The following HHAT variants were observed in gnomAD, a reference collection of about 807,000 sequenced individuals.
HHAT encodes protein-cysteine N-palmitoyltransferase HHAT.
HHAT carries 47 observed loss-of-function variants against 70.8 expected under a neutral mutation model. The ratio of observed to expected loss-of-function variants is 0.66; its 90% confidence interval spans 0.53 to 0.85. The LOEUF (loss-of-function observed/expected upper bound fraction) is 0.85. Ranked by LOEUF, HHAT falls within the 40% of genes least tolerant of loss-of-function variation. The probability of loss-of-function intolerance (pLI) is 0.00; values close to 1 mark genes in which losing one functional copy is unlikely to be tolerated. For synonymous variants in HHAT, 228 were observed against 247.6 expected, an observed-to-expected ratio of 0.92 and a Z score of 0.74; for missense variants, 609 against 604.8, an observed-to-expected ratio of 1.01 and a Z score of -0.07.
chr1:210,413,313 G>A (rs889207905), intron 6 of HHAT, among the ~76,000 whole-genome samples: 5 of 152,110 alleles, frequency 3.3e-5, no homozygotes, highest in African/African-American at 1.2e-4. Flanking sequence ...CTCTTCCATT[G>A]TCTTGGACAG....
chr1:210,497,619 C>G (rs1286210978), intron 8 of HHAT, among the ~76,000 whole-genome samples: 1 of 152,184 alleles, frequency 6.6e-6, no homozygotes, highest in Non-Finnish European at 1.5e-5. Flanking sequence ...TCTTCTCTGG[C>G]TTAAGATTTT....
chr1:210,421,826 T>G (rs899627832), intron 7 of HHAT, among the ~76,000 whole-genome samples: 3 of 152,210 alleles, frequency 2.0e-5, no homozygotes, highest in Non-Finnish European at 4.4e-5. Flanking sequence ...TGTGGATTCA[T>G]AAAATTTATA....
At chr1:210,404,435 A>G (rs1394296192) in intron 5 of HHAT, 29 bp from the exon 6 acceptor site, 3 of 1,568,038 alleles carry the variant, frequency 1.9e-6, no homozygotes, top group Non-Finnish European at 2.6e-6. Context: ...TGGCCACTCA[A>G]AGGTTGTTCT....
chr1:210,479,135 G>A (rs2501895), intron 8 of HHAT, among the ~76,000 whole-genome samples: 25,486 of 152,064 alleles, frequency 0.17, 2,353 homozygotes, highest in East Asian at 0.42. Flanking sequence ...CCTTTCCCCA[G>A]ATTATTCTGT....
chr1:210,416,236 C>T (rs1162615232), intron 6 of HHAT, among the ~76,000 whole-genome samples: 1 of 152,174 alleles, frequency 6.6e-6, no homozygotes, highest in East Asian at 1.9e-4. Context: ...CCCACAGCAC[C>T]CTGATGATGG....
chr1:210,440,549 C>G (rs3765849), intron 7 of HHAT, among the ~76,000 whole-genome samples: 21,319 of 151,738 alleles, frequency 0.14, 1,733 homozygotes, highest in East Asian at 0.22. Flanking sequence ...TGGTCACTTC[C>G]CATCAGCTGG....
intron 1 of HHAT, among the ~76,000 whole-genome samples, chr1:210,340,248 A>G (rs374074382): frequency 5.1e-5 from 4 of 78,638 alleles, no homozygotes; most frequent in African/African-American, 1.6e-4. Flanking sequence ...CTCAGAAAAA[A>G]AAAAAAAAAA....
intron 1 of HHAT, among the ~76,000 whole-genome samples, chr1:210,345,922 G>A (rs1229458436): frequency 6.7e-6 from 1 of 150,288 alleles, no homozygotes; most frequent in African/African-American, 2.5e-5. Flanking sequence ...AAACTAGCCT[G>A]GCATTGTGGT....
At chr1:210,331,475 C>G (rs1277461593) in intron 1 of HHAT, among the ~76,000 whole-genome samples, 2 of 152,222 alleles carry the variant, frequency 1.3e-5, no homozygotes, top group African/African-American at 2.4e-5. Flanking sequence ...AAACATACTT[C>G]TAGGGCCCGG....
At chr1:210,515,137 T>G (rs973813896) in intron 9 of HHAT, among the ~76,000 whole-genome samples, 1 of 152,236 alleles carries the variant, frequency 6.6e-6, no homozygotes, top group Non-Finnish European at 1.5e-5. Context: ...TGTGCTGTAT[T>G]CTGTGTTTCC....
intron 1 of HHAT, among the ~76,000 whole-genome samples, chr1:210,347,299 T>G (rs1010555094): frequency 1.3e-5 from 2 of 152,208 alleles, no homozygotes; most frequent in African/African-American, 2.4e-5. Context: ...CCTCATCACA[T>G]TTGTCATCTA....
Position 210,484,300 on chromosome 1 carries a change from A to G in HHAT, c.1007+19645A>G, listed in dbSNP as rs528376866. On this transcript the variant is annotated intron_variant, in intron 8 of 11. Transcript: ENST00000261458. ...TTCTCCCTTATTTAATAGAACACTC[A>G]TAATTTTGAAGTATCCTAATGATGA... Among the ~76,000 whole-genome samples the G allele has an allele frequency of 3.3e-5, 5 of 152,268 alleles. No individual in the cohort carries two copies. In the South Asian group the frequency reaches 1.0e-3, roughly 32 times the overall value.
At chr1:210,407,867 C>A (rs943846934) in intron 6 of HHAT, among the ~76,000 whole-genome samples, 1 of 152,094 alleles carries the variant, frequency 6.6e-6, no homozygotes, top group Non-Finnish European at 1.5e-5. Context: ...GGGAGAAGAG[C>A]AGCCTTAGGG....
intron 11 of HHAT, among the ~76,000 whole-genome samples, chr1:210,653,979 G>GTA (rs540206432): frequency 0.12 from 2 of 16 alleles, no homozygotes; most frequent in Non-Finnish European, 0.25. Flanking sequence ...TAGTGTGATG[G>GTA]GAATAGTGTG....
Position 210,361,874 on chromosome 1 carries a change from C to T in HHAT, c.92-978C>T, listed in dbSNP as rs74156140. ...ATCCATGCAGTTGCCTACAGGACAT[C>T]GCACAGACCTCAGCATCGGCTCCCA... On this transcript the variant is annotated intron_variant, in intron 2 of 11. Coordinates refer to ENST00000261458, the MANE Select transcript of HHAT (RefSeq NM_018194.6). Among the ~76,000 whole-genome samples the T allele has an allele frequency of 4.9e-3, 753 of 152,280 alleles. 8 individuals carry two copies. The highest frequency in any genetic ancestry group is 0.017 in the African/African-American group (719 of 41,552).
Position 210,637,860 on chromosome 1 carries a change from A to AG in HHAT, c.1390+14190_1390+14191insG, listed in dbSNP as rs1672175661. On this transcript the variant is annotated intron_variant, in intron 11 of 11. Transcript: ENST00000261458. ...GGCAACAGAGTGAGACTCCGTCTCA[A>AG]AAAAAAAAAAAGGGGGGGGCAAAGG... Among the ~76,000 whole-genome samples, 3 of 124,368 alleles carry AG rather than the reference A, an allele frequency of 2.4e-5. No homozygotes were observed. The Admixed American group carries it at 2.6e-4, about 11-fold the overall frequency. The allele number at this position is 124,368 out of a possible 152,430, so 81.6% of individuals were successfully genotyped here. A position where few individuals can be genotyped will look rare whatever the true frequency, so the allele number is the denominator to read the frequency against.
intron 7 of HHAT, among the ~76,000 whole-genome samples, chr1:210,426,464 G>A (rs1212382920): frequency 1.3e-5 from 2 of 152,144 alleles, no homozygotes; most frequent in South Asian, 2.1e-4. Flanking sequence ...TCAGTATGAT[G>A]TTGGCTGTGG....
chr1:210,395,041 TATTG>T (rs1432629907), intron 4 of HHAT, among the ~76,000 whole-genome samples: 2 of 152,182 alleles, frequency 1.3e-5, no homozygotes, highest in South Asian at 2.1e-4. Flanking sequence ...TAGCAGCTGC[TATTG>T]ATTATGTAGT....
At chr1:210,367,453 C>G (rs1211789131) in intron 3 of HHAT, among the ~76,000 whole-genome samples, 1 of 152,024 alleles carries the variant, frequency 6.6e-6, no homozygotes, top group Non-Finnish European at 1.5e-5. Context: ...TAGGGAGACA[C>G]CATTCTGGGC....
Sources: gnomAD v4.1 joint callset for allele counts (sites outside exome capture counted in the v4.1 genomes callset) on GRCh38, gnomAD v4.1.1 for gene constraint, MANE v1.5 for transcripts, NCBI Gene and HGNC (gene_info 2026-07-23, HGNC 2026-07-21) for gene names.